The following NFIL3 variants were observed in gnomAD, a reference collection of about 807,000 sequenced individuals.
The protein encoded by NFIL3 is nuclear factor interleukin-3-regulated protein.
Under a neutral mutation model 10.0 loss-of-function variants are expected in NFIL3, and 5 were observed. The observed-to-expected ratio is 0.50, with a 90% CI of 0.26 to 1.06. NFIL3 has a LOEUF of 1.06. Ranked by LOEUF, NFIL3 falls within the 50% of genes least tolerant of loss-of-function variation. The pLI is 0.13. For synonymous variants in NFIL3, 202 were observed against 206.5 expected (o/e 0.98, Z 0.19); for missense variants, 436 against 547.6 (o/e 0.80, Z 2.03).
the NFIL3 span, among the ~76,000 whole-genome samples, chr9:91,460,457 A>G: frequency 6.6e-6 from 1 of 151,336 alleles, no homozygotes; most frequent in South Asian, 2.1e-4. Context: ...CTATTGTTTT[A>G]GTAGAGATGG....
At chr9:91,455,220 A>G in the NFIL3 span, among the ~76,000 whole-genome samples, 4,589 of 152,246 alleles carry the variant, frequency 0.03, 97 homozygotes, top group East Asian at 0.092. Flanking sequence ...CTATGTGAAT[A>G]TATTGCTTTT....
the NFIL3 span, among the ~76,000 whole-genome samples, chr9:91,439,658 ATCTT>A: frequency 6.6e-6 from 1 of 152,104 alleles, no homozygotes. Context: ...TGCATACAAA[ATCTT>A]TATTATGTGT....
the NFIL3 span, among the ~76,000 whole-genome samples, chr9:91,461,779 G>T: frequency 1.3e-5 from 2 of 152,238 alleles, no homozygotes; most frequent in East Asian, 3.9e-4. Flanking sequence ...GATAACCTAG[G>T]ATGATTTCCT....
At chr9:91,422,022 A>G (rs1355907416) in intron 1 of NFIL3, among the ~76,000 whole-genome samples, 1 of 152,348 alleles carries the variant, frequency 6.6e-6, no homozygotes, top group Non-Finnish European at 1.5e-5. Context: ...CCCATAGGTC[A>G]TATCTGGTCT....
chr9:91,465,953 G>A, the NFIL3 span, among the ~76,000 whole-genome samples: 1 of 152,058 alleles, frequency 6.6e-6, no homozygotes, highest in South Asian at 2.1e-4. Context: ...CTACAGCCCT[G>A]TAGGCATGGT....
the NFIL3 span, among the ~76,000 whole-genome samples, chr9:91,441,116 C>A: frequency 7.2e-5 from 11 of 152,170 alleles, no homozygotes; most frequent in South Asian, 2.3e-3. Flanking sequence ...AAATGGTCTA[C>A]TATTATTGTA....
chr9:91,431,290 G>A, the NFIL3 span, among the ~76,000 whole-genome samples: 41 of 152,020 alleles, frequency 2.7e-4, no homozygotes, highest in Non-Finnish European at 4.6e-4. Context: ...CTAGAGCTGG[G>A]TGGCCATGGG....
chr9:91,436,184 A>C, the NFIL3 span, among the ~76,000 whole-genome samples: 7 of 152,216 alleles, frequency 4.6e-5, no homozygotes, highest in Non-Finnish European at 1.0e-4. Context: ...TACCAGAAAG[A>C]AAGCTCCTGC....
chr9:91,476,607 T>C, the NFIL3 span, among the ~76,000 whole-genome samples: 2 of 151,780 alleles, frequency 1.3e-5, no homozygotes, highest in African/African-American at 4.8e-5. Flanking sequence ...TGTCTATTTA[T>C]GGAAATGCAA....
At chr9:91,426,340 C>T (rs1347076400), upstream of NFIL3, 5 of 152,092 alleles carry the variant, frequency 3.3e-5, no homozygotes, top group African/African-American at 4.8e-5. Context: ...AGGATCTGTC[C>T]CCAGGGCCGA....
the NFIL3 span, among the ~76,000 whole-genome samples, chr9:91,458,735 CA>C: frequency 6.6e-6 from 1 of 152,064 alleles, no homozygotes; most frequent in African/African-American, 2.4e-5. Flanking sequence ...GTTGTTCTAT[CA>C]AAGTCATTAG....
chr9:91,429,029 A>G, the NFIL3 span, among the ~76,000 whole-genome samples: 1 of 152,344 alleles, frequency 6.6e-6, no homozygotes, highest in South Asian at 2.1e-4. Flanking sequence ...CAGCAACTGG[A>G]ACACAGCTAG....
chr9:91,456,641 A>T, the NFIL3 span, among the ~76,000 whole-genome samples: 1 of 151,988 alleles, frequency 6.6e-6, no homozygotes, highest in African/African-American at 2.4e-5. Context: ...TTCTCAGTGT[A>T]TGGCTAGCTT....
chr9:91,473,393 C>T, the NFIL3 span, among the ~76,000 whole-genome samples: 1 of 152,344 alleles, frequency 6.6e-6, no homozygotes, highest in Non-Finnish European at 1.5e-5. Flanking sequence ...CTTTGTTTAC[C>T]TACTCAAGCC....
At chr9:91,481,953 T>C in the NFIL3 span, among the ~76,000 whole-genome samples, 1 of 152,044 alleles carries the variant, frequency 6.6e-6, no homozygotes, top group East Asian at 1.9e-4. Context: ...TTTTAAGAAA[T>C]AGTAAGATAA....
At chr9:91,445,257 C>T in the NFIL3 span, among the ~76,000 whole-genome samples, 10 of 152,104 alleles carry the variant, frequency 6.6e-5, no homozygotes, top group African/African-American at 2.4e-4. Flanking sequence ...AACTTGGGCC[C>T]TGAGGGATGA....
chr9:91,442,346 C>G, the NFIL3 span, among the ~76,000 whole-genome samples: 1 of 152,170 alleles, frequency 6.6e-6, no homozygotes, highest in Non-Finnish European at 1.5e-5. Context: ...TGGCACGATG[C>G]TTTTCTCTTG....
chr9:91,440,032 G>A, the NFIL3 span, among the ~76,000 whole-genome samples: 2 of 152,252 alleles, frequency 1.3e-5, no homozygotes, highest in East Asian at 3.9e-4. Context: ...GCCTCATAAA[G>A]TATGTTTGGG....
chr9:91,414,837 T>C (rs1415127854), intron 1 of NFIL3, among the ~76,000 whole-genome samples: 1 of 152,212 alleles, frequency 6.6e-6, no homozygotes, highest in Non-Finnish European at 1.5e-5. Flanking sequence ...CCAACTACAC[T>C]GCGAATTACT....
Sources: allele counts gnomAD v4.1 joint callset (sites outside exome capture counted in the v4.1 genomes callset), GRCh38; gene constraint gnomAD v4.1.1; transcripts MANE v1.5; gene names NCBI Gene and HGNC (gene_info 2026-07-23, HGNC 2026-07-21).